WDFY3: variants seen among roughly 807,000 people sequenced by gnomAD.
WDFY3 encodes WD repeat and FYVE domain-containing protein 3.
In WDFY3, 66 loss-of-function variants were observed where a neutral mutation model predicts 409.6. That is an observed-to-expected ratio of 0.16 (90% CI 0.13 to 0.20). The LOEUF is 0.20. WDFY3 is among the 10% of genes least tolerant of loss of function. The pLI is 1.00. For synonymous variants in WDFY3, 1,521 were observed against 1,537.1 expected (o/e 0.99, Z 0.25); for missense variants, 3,031 against 4,298.1 (o/e 0.71, Z 8.24).
chr4:84,894,947 CAAAAAAA>C (rs70943381), intron 3 of WDFY3, among the ~76,000 whole-genome samples: 17 of 98,848 alleles, frequency 1.7e-4, no homozygotes, highest in Middle Eastern at 6.0e-3. Context: ...GAGACTGTCT[CAAAAAAA>C]AAAAAAAAAA....
intron 1 of WDFY3, chr4:84,965,668 AGCGTAGG>A (rs1381711318): frequency 1.3e-5 from 2 of 152,240 alleles, no homozygotes; most frequent in African/African-American, 4.8e-5. Context: ...AAGGGCTTCC[AGCGTAGG>A]GCGTAGGGGG....
At chr4:84,790,492 G>C (rs1748325586) in intron 21 of WDFY3, among the ~76,000 whole-genome samples, 1 of 152,000 alleles carries the variant, frequency 6.6e-6, no homozygotes, top group South Asian at 2.1e-4. Flanking sequence ...ATCACATAAA[G>C]TTACAATGAA....
intron 67 of WDFY3, among the ~76,000 whole-genome samples, chr4:84,676,209 ACTC>A (rs896093968): frequency 1.3e-5 from 2 of 152,080 alleles, no homozygotes; most frequent in Non-Finnish European, 2.9e-5. Context: ...ATATAAAAGA[ACTC>A]CTCAAGGAAA....
chr4:84,888,770 T>C (rs1764551587), intron 3 of WDFY3, among the ~76,000 whole-genome samples: 1 of 152,104 alleles, frequency 6.6e-6, no homozygotes, highest in African/African-American at 2.4e-5. Context: ...TACAAATAGC[T>C]TGGGACTAAC....
intron 2 of WDFY3, among the ~76,000 whole-genome samples, chr4:84,927,411 C>T (rs1770143328): frequency 6.6e-6 from 1 of 152,052 alleles, no homozygotes; most frequent in African/African-American, 2.4e-5. Flanking sequence ...CACAACTATA[C>T]AGCCTTCCAT....
intron 53 of WDFY3, 88 bp from the exon 54 acceptor site, chr4:84,705,599 T>G: frequency 1.9e-6 from 2 of 1,081,048 alleles, no homozygotes; most frequent in Non-Finnish European, 2.8e-6. Flanking sequence ...TGGATGATGA[T>G]GATTTATAAA....
intron 4 of WDFY3, among the ~76,000 whole-genome samples, chr4:84,859,997 TAAAC>T (rs1030892349): frequency 6.6e-6 from 1 of 152,258 alleles, no homozygotes; most frequent in Non-Finnish European, 1.5e-5. Context: ...CAGCATCTCT[TAAAC>T]AACAGCAAAT....
rs138078780 is a variant in WDFY3, at chr4:84,747,840, T to C, written c.5973+3643A>G. Among the ~76,000 whole-genome samples the C allele has an allele frequency of 1.8e-4, 28 of 152,300 alleles. No individual in the cohort carries two copies. In the East Asian group the frequency reaches 5.2e-3, roughly 28 times the overall value. On this transcript the variant is annotated intron_variant, in intron 36 of 67. Transcript: ENST00000295888. ...AAGTTTCCTGAGGCATCCCCAGCCATGCTGAATTATGAGTCAATTAAACCT... is the reference window on the plus strand; with the variant it reads ...AAGTTTCCTGAGGCATCCCCAGCCACGCTGAATTATGAGTCAATTAAACCT...
intron 5 of WDFY3, among the ~76,000 whole-genome samples, chr4:84,843,072 G>T (rs1485129047): frequency 6.6e-6 from 1 of 152,082 alleles, no homozygotes; most frequent in Admixed American, 6.5e-5. Flanking sequence ...GTACTTGTGG[G>T]TTTAACTCAT....
intron 2 of WDFY3, among the ~76,000 whole-genome samples, chr4:84,923,177 A>G (rs1769505911): frequency 6.6e-6 from 1 of 152,240 alleles, no homozygotes; most frequent in African/African-American, 2.4e-5. Flanking sequence ...CAGCAGGTAC[A>G]AGAAGATCAT....
intron 23 of WDFY3, 68 bp downstream of exon 23, chr4:84,787,414 C>T: frequency 6.9e-7 from 1 of 1,449,102 alleles, no homozygotes; most frequent in Non-Finnish European, 9.5e-7. Flanking sequence ...ACCTCAGACA[C>T]ACACATGCAT....
rs750612118 is a variant in WDFY3, at chr4:84,757,128, G to A, written c.5222C>T (p.Ser1741Leu). Residue 1741 changes from serine to leucine, a missense_variant, in exon 33 of 68, where the codon TCG becomes TTG. By Grantham distance (145) the Ser-to-Leu change is moderately radical. Coordinates refer to ENST00000295888, the MANE Select transcript of WDFY3 (RefSeq NM_014991.6). ...FNVGRSAGGRSTVREINRDAC... is the reference protein window; with the variant it reads ...FNVGRSAGGRLTVREINRDAC... Reference sequence around the variant, plus strand: ...ATCTCGGTTAATCTCCCTGACCGTCGATCTCCCACCAGCACTTCTGCCCAC... The same window carrying A: ...ATCTCGGTTAATCTCCCTGACCGTCAATCTCCCACCAGCACTTCTGCCCAC... The A allele has an allele frequency of 4.0e-5, 65 of 1,613,900 alleles. No individual in the cohort carries two copies. The highest frequency in any genetic ancestry group is 1.6e-4 in the Middle Eastern group (1 of 6,080).
intron 36 of WDFY3, among the ~76,000 whole-genome samples, chr4:84,745,750 T>C (rs1414650381): frequency 6.6e-6 from 1 of 152,172 alleles, no homozygotes; most frequent in African/African-American, 2.4e-5. Flanking sequence ...TAAATTTTCC[T>C]GTGTATTTGA....
chr4:84,683,774 C>G (rs960213284), intron 63 of WDFY3, among the ~76,000 whole-genome samples, 169 bp downstream of exon 63: 1 of 152,176 alleles, frequency 6.6e-6, no homozygotes, highest in East Asian at 1.9e-4. Context: ...GCCAAGACAC[C>G]AGTGTTCCTC....
At position 84,747,404 on chromosome 4, in the gene WDFY3, T is replaced by C. The variant is rs78290426; in HGVS notation, c.5974-3605A>G. On this transcript the variant is annotated intron_variant, in intron 36 of 67. Coordinates refer to ENST00000295888, the MANE Select transcript of WDFY3 (RefSeq NM_014991.6). ...ACTGATTTTTCCTCTCTGAGTTACT[T>C]TGTGGTGCTCTCTTTGCCCAATTTG... Among the ~76,000 whole-genome samples, 336 of 152,264 alleles carry C rather than the reference T, an allele frequency of 2.2e-3. 1 individual carries two copies. The highest frequency in any genetic ancestry group is 7.6e-3 in the African/African-American group (316 of 41,550).
intron 21 of WDFY3, among the ~76,000 whole-genome samples, chr4:84,791,994 T>A (rs1748618039): frequency 6.6e-6 from 1 of 152,158 alleles, no homozygotes; most frequent in African/African-American, 2.4e-5. Flanking sequence ...TTTTAAATAC[T>A]CATTTTAAAA....
chr4:84,879,637 T>C (rs930382512), intron 3 of WDFY3: 3 of 150,628 alleles, frequency 2.0e-5, no homozygotes, highest in African/African-American at 7.4e-5. Context: ...ACACACAAAA[T>C]TGGCCTTATC....
chr4:84,761,762 A>G (rs1742644879), intron 32 of WDFY3, among the ~76,000 whole-genome samples: 1 of 152,140 alleles, frequency 6.6e-6, no homozygotes, highest in Non-Finnish European at 1.5e-5. Context: ...AAACAAATTT[A>G]CAAGAAAAAA....
chr4:84,826,774 T>A, intron 10 of WDFY3, 41 bp downstream of exon 10: 1 of 1,525,962 alleles, frequency 6.6e-7, no homozygotes, highest in Non-Finnish European at 8.7e-7. Flanking sequence ...ATTCTTTCTC[T>A]ATTTCTCTCA....
Sources: allele counts gnomAD v4.1 joint callset (sites outside exome capture counted in the v4.1 genomes callset), GRCh38; gene constraint gnomAD v4.1.1; transcripts MANE v1.5; gene names NCBI Gene and HGNC (gene_info 2026-07-23, HGNC 2026-07-21).